CCDC175: variants seen among roughly 807,000 people sequenced by gnomAD.
CCDC175 encodes coiled-coil domain-containing protein 175.
A neutral mutation model predicts 114.6 loss-of-function variants in CCDC175; 100 were observed. The observed-to-expected ratio is 0.87, with a 90% CI of 0.74 to 1.03. The LOEUF (loss-of-function observed/expected upper bound fraction) is 1.03. Among genes scored for constraint, CCDC175 ranks in the 50% least tolerant of loss-of-function variants. The pLI, the probability that CCDC175 is intolerant of heterozygous loss-of-function variation, is 0.00. For missense variants in CCDC175, 880 were observed against 917.8 expected, an observed-to-expected ratio of 0.96 and a Z score of 0.53; for synonymous variants, 306 against 308.7, an observed-to-expected ratio of 0.99 and a Z score of 0.09.
At chr14:59,521,467 T>G (rs1398300930) in intron 17 of CCDC175, 107 bp downstream of exon 17, 2 of 627,674 alleles carry the variant, frequency 3.2e-6, no homozygotes, top group Non-Finnish European at 5.5e-6. Context: ...CTTGTGATCA[T>G]GTGAGTCAGT....
chr14:59,520,690 G>A (rs571671550), intron 17 of CCDC175, among the ~76,000 whole-genome samples: 1 of 152,294 alleles, frequency 6.6e-6, no homozygotes, highest in African/African-American at 2.4e-5. Context: ...GCAAACTAGT[G>A]AGACATGCAA....
At position 59,568,390 on chromosome 14, in the gene CCDC175, A is replaced by G; in HGVS notation, c.356-10T>C. On this transcript the variant is annotated splice_polypyrimidine_tract_variant and intron_variant, in intron 3 of 19. Transcript: ENST00000537690. ...GCGTCTCGGACACATTCTTCAAAGT[A>G]AGTGGAAATATTACTACATTATTTG... 1 of 1,497,498 alleles carries G rather than the reference A, an allele frequency of 6.7e-7. No individual in the cohort carries two copies. The highest frequency in any genetic ancestry group is 8.8e-7 in the Non-Finnish European group (1 of 1,133,114). 92.8% of individuals were successfully genotyped at this position (1,497,498 alleles called of 1,614,324 possible).
At chr14:59,529,200 G>A (rs1566605353) in intron 14 of CCDC175, among the ~76,000 whole-genome samples, 1 of 152,162 alleles carries the variant, frequency 6.6e-6, no homozygotes, top group Admixed American at 6.5e-5. Flanking sequence ...CCTTCCTCAG[G>A]TTGGGGTAAG....
chr14:59,553,455 T>C (rs542746866), intron 7 of CCDC175, among the ~76,000 whole-genome samples: 22 of 152,194 alleles, frequency 1.4e-4, no homozygotes, highest in South Asian at 1.2e-3. Flanking sequence ...ACAAGAGCTC[T>C]TGAAGGAAGC....
chr14:59,563,754 C>G lies in CCDC175; in HGVS notation c.826G>C (p.Val276Leu), dbSNP rs1025113713. The G allele has an allele frequency of 2.1e-6, 3 of 1,429,874 alleles. No individual in the cohort carries two copies. Among genetic ancestry groups the G allele is most frequent in the Admixed American group, 5.7e-5 (2 of 34,946 alleles). 88.6% of individuals were successfully genotyped at this position (1,429,874 alleles called of 1,614,324 possible). ...TTTCTTACCGCTGCGGAAACAGTAACTGTTTCTTTTATTTTTGACATTTTA... is the reference window on the plus strand; with the variant it reads ...TTTCTTACCGCTGCGGAAACAGTAAGTGTTTCTTTTATTTTTGACATTTTA... ...QTKMSKIKETVTVSAAVLSDH... is the reference protein window; with the variant it reads ...QTKMSKIKETLTVSAAVLSDH... Residue 276 changes from valine (V) to leucine (L), a missense_variant, in exon 6 of 20, where the codon GTT becomes CTT. By Grantham distance (32) the Val-to-Leu change is conservative. Transcript: ENST00000537690.
At position 59,538,713 on chromosome 14, in the gene CCDC175, G is replaced by A. The variant is rs1300995661; in HGVS notation, c.1483C>T (p.Leu495Phe). The stretch of plus-strand genomic sequence containing the variant: ...TCTTTCAGTTCTCTTACCTCGTTAA[G>A]TAATTCAATTCGTCTAACTTCTGCA... ...QNAEVRRIEL[L>F]NETSFRQQEI... Residue 495 changes from leucine to phenylalanine, a missense_variant, in exon 12 of 20, where the codon CTT (leucine) becomes TTT (phenylalanine). Physicochemically the swap from Leu to Phe is conservative, Grantham distance 22. Transcript: ENST00000537690. The A allele has an allele frequency of 1.3e-6, 2 of 1,534,740 alleles. No individual in the cohort carries two copies. Among genetic ancestry groups the A allele is most frequent in the Non-Finnish European group, 1.7e-6 (2 of 1,145,932 alleles).
At chr14:59,571,947 A>C (rs1255371013) in intron 3 of CCDC175, among the ~76,000 whole-genome samples, 1 of 152,130 alleles carries the variant, frequency 6.6e-6, no homozygotes, top group Non-Finnish European at 1.5e-5. Context: ...CAAAACCCCA[A>C]ACCTTTTGAG....
chr14:59,510,420 G>C (rs780602623), intron 19 of CCDC175: 6 of 414,076 alleles, frequency 1.4e-5, no homozygotes, highest in South Asian at 4.0e-5. Context: ...AAATTATAAA[G>C]AAGATTTAGT....
At chr14:59,559,198 T>G (rs1347076731) in intron 7 of CCDC175, among the ~76,000 whole-genome samples, 1 of 152,132 alleles carries the variant, frequency 6.6e-6, no homozygotes, top group Non-Finnish European at 1.5e-5. Flanking sequence ...GTCATTTATA[T>G]ACAACATTTA....
intron 17 of CCDC175, among the ~76,000 whole-genome samples, chr14:59,521,167 G>C (rs1893408279): frequency 6.6e-6 from 1 of 152,152 alleles, no homozygotes; most frequent in Non-Finnish European, 1.5e-5. Flanking sequence ...CTCTCAATCT[G>C]GGTGGGAACC....
In CCDC175 at chr14:59,555,614, G is replaced by C. The variant is rs147646446; in HGVS notation, c.954-4178C>G. Among the ~76,000 whole-genome samples the C allele has an allele frequency of 6.9e-3, 1,055 of 152,258 alleles. 8 individuals are homozygous for C. The highest frequency in any genetic ancestry group is 0.024 in the African/African-American group (992 of 41,530). ...AACATAGTGTTGGAAGTTCTAGCCAGGGCAATCAGGCAGGAGAAAGAAATA... is the reference window on the plus strand; with the variant it reads ...AACATAGTGTTGGAAGTTCTAGCCACGGCAATCAGGCAGGAGAAAGAAATA... On this transcript the variant is annotated intron_variant, in intron 7 of 19. Transcript: ENST00000537690.
intron 6 of CCDC175, among the ~76,000 whole-genome samples, chr14:59,562,659 A>G (rs1288243352): frequency 1.3e-5 from 2 of 152,170 alleles, no homozygotes; most frequent in African/African-American, 2.4e-5. Context: ...CGCCTTCAAA[A>G]TAATTTGGGC....
At chr14:59,553,531 C>T (rs963237137) in intron 7 of CCDC175, among the ~76,000 whole-genome samples, 7 of 152,128 alleles carry the variant, frequency 4.6e-5, no homozygotes, top group African/African-American at 1.7e-4. Flanking sequence ...TAAAGACCAT[C>T]GAGGCTAGGA....
chr14:59,565,793 C>T (rs552139565), intron 4 of CCDC175, among the ~76,000 whole-genome samples: 2 of 152,222 alleles, frequency 1.3e-5, no homozygotes, highest in East Asian at 1.9e-4. Context: ...TTGAATGTCA[C>T]GTGGCCTTGC....
At chr14:59,564,251 CTGGG>C in intron 5 of CCDC175, 2 of 153,194 alleles carry the variant, frequency 1.3e-5, no homozygotes. Context: ...AAGAAATTAT[CTGGG>C]AATCTAAATT....
In CCDC175 at chr14:59,575,031, G is replaced by A. The variant is rs970375836; in HGVS notation, c.158-3C>T. 11 of 1,382,592 alleles carry A rather than the reference G, an allele frequency of 8.0e-6. No individual in the cohort carries two copies. The highest frequency in any genetic ancestry group is 2.5e-5 in the East Asian group (1 of 39,540). The allele number at this position is 1,382,592 out of a possible 1,614,324, so 85.6% of individuals were successfully genotyped here. The stretch of plus-strand genomic sequence containing the variant: ...ATAGTCACTTTGCAGTGATTGTTCT[G>A]AAAAAAAAATTAGAAAATAAAGATC... On this transcript the variant is annotated splice_region_variant and splice_polypyrimidine_tract_variant and intron_variant, in intron 1 of 19. Coordinates refer to ENST00000537690, the MANE Select transcript of CCDC175 (RefSeq NM_001164399.2).
At chr14:59,546,812 G>C (rs867805444) in intron 8 of CCDC175, among the ~76,000 whole-genome samples, 6 of 152,014 alleles carry the variant, frequency 3.9e-5, no homozygotes, top group African/African-American at 9.7e-5. Flanking sequence ...ACTCTAGTCT[G>C]GGTGACAGAG....
intron 17 of CCDC175, among the ~76,000 whole-genome samples, chr14:59,514,366 C>G (rs1025750824): frequency 6.6e-6 from 1 of 152,076 alleles, no homozygotes; most frequent in African/African-American, 2.4e-5. Context: ...TCAAACTACT[C>G]AGAGCTAAAG....
At chr14:59,540,579 G>C (rs1355472889) in intron 11 of CCDC175, 96 bp downstream of exon 11, 2 of 1,284,324 alleles carry the variant, frequency 1.6e-6, no homozygotes, top group Non-Finnish European at 2.1e-6. Flanking sequence ...TTGGGTTCTA[G>C]TAACAACAAG....
Sources: gnomAD v4.1 joint callset for allele counts (sites outside exome capture counted in the v4.1 genomes callset) on GRCh38, gnomAD v4.1.1 for gene constraint, MANE v1.5 for transcripts, NCBI Gene and HGNC (gene_info 2026-07-23, HGNC 2026-07-21) for gene names.